Variants in ZNF274 observed in about 807,000 individuals in gnomAD.
ZNF274 encodes zinc finger protein 274, also known as neurotrophin receptor-interacting factor homolog.
Under a neutral mutation model 42.5 loss-of-function variants are expected in ZNF274, and 23 were observed. The observed-to-expected ratio is 0.54, with a 90% CI of 0.39 to 0.77. ZNF274 has a LOEUF of 0.77. Ranked by LOEUF, ZNF274 falls within the 30% of genes least tolerant of loss-of-function variation. ZNF274 has a pLI of 0.00. For synonymous variants in ZNF274, 292 were observed against 305.4 expected, an observed-to-expected ratio of 0.96 and a Z score of 0.46; for missense variants, 679 against 806.5, an observed-to-expected ratio of 0.84 and a Z score of 1.91.
rs552382406 is a variant in ZNF274 at position 58,201,556 on chromosome 19, G to A, written c.257-5164G>A. On this transcript the variant is annotated intron_variant, in intron 4 of 7. Transcript: ENST00000617501. ...TTCTGAGATGGAGTCTTGCACTGTC[G>A]CCCAGGCTGGAGTGCAGTGGTGTGA... 6.1e-5 allele frequency among the ~76,000 whole-genome samples: 9 copies of A among 148,594 alleles called. No individual in the cohort carries two copies. The South Asian group carries it at 8.6e-4, about 14-fold the overall frequency.
chr19:58,185,624 T>C (rs1168023600), intron 2 of ZNF274, 88 bp from the exon 3 acceptor site: 39 of 1,338,390 alleles, frequency 2.9e-5, no homozygotes, highest in Non-Finnish European at 3.6e-5. Flanking sequence ...GACCATTCTG[T>C]GCTTTCACTG....
Position 58,211,327 on chromosome 19 carries a change from T to C in ZNF274, c.853-233T>C. ...GGATGGAGTTGTTTGCTTGTTGCAC[T>C]TGGAGCTCTTTATGAAGCAAGGGCT... On this transcript the variant is annotated intron_variant, in intron 6 of 7. Coordinates refer to ENST00000617501, the MANE Select transcript of ZNF274 (RefSeq NM_133502.3). The surrounding 1 kb of genome is among the most constrained non-coding windows in gnomAD (Gnocchi z 4.8). The C allele has an allele frequency of 2.4e-6, 1 of 419,770 alleles. No homozygotes were observed. The highest frequency in any genetic ancestry group is 4.2e-6 in the Non-Finnish European group (1 of 237,700). The allele number at this position is 419,770 out of a possible 1,614,324, so 26.0% of individuals were successfully genotyped here. A position where few individuals can be genotyped will look rare whatever the true frequency, so the allele number is the denominator to read the frequency against.
At position 58,212,731 on chromosome 19, in the gene ZNF274, G is replaced by A. The variant is rs750850611; in HGVS notation, c.1550G>A (p.Arg517Gln). 6.7e-5 allele frequency: 108 copies of A among 1,613,848 alleles called. No homozygotes were observed. Among genetic ancestry groups the A allele is most frequent in the Non-Finnish European group, 8.4e-5 (99 of 1,179,896 alleles). The stretch of plus-strand genomic sequence containing the variant: ...TGCAGTGAATGTGGTAAAATATTCC[G>A]GAACCCAAGATACTTTTCTGTGCAT... ...CRCSECGKIFRNPRYFSVHKK... is the reference protein window; with the variant it reads ...CRCSECGKIFQNPRYFSVHKK... The change falls in exon 8 of 8, where the codon CGG becomes CAG. Residue 517 changes from arginine (R) to glutamine (Q), a missense_variant. Transcript: ENST00000617501. This position sits in a 1 kb window ranked among gnomAD's most constrained non-coding sequence, Gnocchi z 4.6.
In ZNF274 at chr19:58,212,792, T is replaced by G; in HGVS notation, c.1611T>G (p.Cys537Trp). ...ATACCGGAGAGAGGCCCTATGTGTGTCAAGACTGTGGGAAAGGATTTGTTC... is the reference window on the plus strand; with the variant it reads ...ATACCGGAGAGAGGCCCTATGTGTGGCAAGACTGTGGGAAAGGATTTGTTC... ...KIHTGERPYV[C>W]QDCGKGFVQS... The change falls in exon 8 of 8, where the codon TGT becomes TGG. Residue 537 changes from cysteine (C) to tryptophan (W), a missense_variant. Coordinates refer to ENST00000617501, the MANE Select transcript of ZNF274 (RefSeq NM_133502.3). This position sits in a 1 kb window ranked among gnomAD's most constrained non-coding sequence, Gnocchi z 4.6. 2 of 1,614,026 alleles carry G rather than the reference T, an allele frequency of 1.2e-6. No homozygotes were observed. Among genetic ancestry groups the G allele is most frequent in the Non-Finnish European group, 1.7e-6 (2 of 1,179,894 alleles).
rs753106094 is a variant in ZNF274, at chr19:58,209,950, T to A, written c.740-11T>A. On this transcript the variant is annotated splice_polypyrimidine_tract_variant and intron_variant, in intron 5 of 7. Transcript: ENST00000617501. Reference sequence around the variant, plus strand: ...ACCTGCTGACCTCCTCTGGCTGGTGTCTCCTCCCAGTACTTCCTGCAGGAC... The same window carrying A: ...ACCTGCTGACCTCCTCTGGCTGGTGACTCCTCCCAGTACTTCCTGCAGGAC... 6.2e-6 allele frequency: 10 copies of A among 1,606,376 alleles called. No individual in the cohort carries two copies. Among genetic ancestry groups the A allele is most frequent in the Non-Finnish European group, 8.5e-6 (10 of 1,176,194 alleles).
At chr19:58,202,342 G>A (rs2075923120) in intron 4 of ZNF274, 1 of 152,290 alleles carries the variant, frequency 6.6e-6, no homozygotes, top group Non-Finnish European at 1.5e-5. Flanking sequence ...AGTGTCAAGA[G>A]GGAGAAAGCA....
At chr19:58,203,587 A>G (rs1188399738) in intron 4 of ZNF274, among the ~76,000 whole-genome samples, 1 of 146,664 alleles carries the variant, frequency 6.8e-6, no homozygotes, top group East Asian at 2.1e-4. Context: ...CTCAAAAAAA[A>G]AAAAAAAAAG....
chr19:58,196,308 T>C (rs1201748823), intron 4 of ZNF274, among the ~76,000 whole-genome samples: 1 of 152,202 alleles, frequency 6.6e-6, no homozygotes. Context: ...TGCCTGTAAT[T>C]GCAGCACTTT....
chr19:58,186,012 A>G lies in ZNF274; in HGVS notation c.160+174A>G, dbSNP rs987388858. ...CCATCCCTCCCTGAATACCAGGGAGATGGGTCTGTCAGGGATGTTTTCAGC... is the reference window on the plus strand; with the variant it reads ...CCATCCCTCCCTGAATACCAGGGAGGTGGGTCTGTCAGGGATGTTTTCAGC... On this transcript the variant is annotated intron_variant, in intron 3 of 7. Transcript: ENST00000617501. 5.6e-5 allele frequency: 24 copies of G among 432,320 alleles called. No homozygotes were observed. In the South Asian group the frequency reaches 9.9e-4, roughly 18 times the overall value. 26.8% of individuals were successfully genotyped at this position (432,320 alleles called of 1,614,324 possible).
chr19:58,202,771 A>G (rs761409569), intron 4 of ZNF274, among the ~76,000 whole-genome samples: 35 of 152,214 alleles, frequency 2.3e-4, no homozygotes, highest in Non-Finnish European at 3.4e-4. Context: ...AGGTCTTGGG[A>G]TAGTCTATGG....
At chr19:58,205,998 C>T (rs1015160454) in intron 4 of ZNF274, among the ~76,000 whole-genome samples, 1 of 152,186 alleles carries the variant, frequency 6.6e-6, no homozygotes, top group East Asian at 1.9e-4. Context: ...AATATATTCA[C>T]AGGGTTGTAC....
intron 1 of ZNF274, 44 bp from the exon 2 acceptor site, chr19:58,183,877 A>G (rs1181337880): frequency 7.3e-7 from 1 of 1,363,148 alleles, no homozygotes; most frequent in African/African-American, 1.5e-5. Flanking sequence ...TCCCCAGCGG[A>G]CACCTTAAGC....
chr19:58,206,206 CATG>C (rs1426968845), intron 4 of ZNF274, among the ~76,000 whole-genome samples: 1 of 152,176 alleles, frequency 6.6e-6, no homozygotes, highest in African/African-American at 2.4e-5. Flanking sequence ...TTTTACTTAG[CATG>C]ATGTTTTCAA....
chr19:58,206,859 T>A lies in ZNF274; in HGVS notation c.396T>A (p.Tyr132Ter). 1 of 1,613,972 alleles carries A rather than the reference T, an allele frequency of 6.2e-7. No individual in the cohort carries two copies. The highest frequency in any genetic ancestry group is 1.1e-5 in the South Asian group (1 of 91,052). The part of the protein sequence containing the change: ...GPRNAQIQAL[Y>*]AEDGSLSADA... ...GGAATGCCCAGATCCAGGCCCTATA[T>A]GCTGAAGATGGAAGCCTGAGTGCAG... Residue 132 changes from tyrosine (Y) to a stop codon, truncating the protein, a stop_gained, in exon 5 of 8, where the codon TAT becomes TAA. Coordinates refer to ENST00000617501, the MANE Select transcript of ZNF274 (RefSeq NM_133502.3). LOFTEE classifies it high-confidence loss of function.
At chr19:58,188,694 G>GTATATGTATATGTATATATATATATATA (rs1221412961) in intron 4 of ZNF274, among the ~76,000 whole-genome samples, 8 of 74,654 alleles carry the variant, frequency 1.1e-4, no homozygotes, top group African/African-American at 4.3e-4. Flanking sequence ...ATATGTATAT[G>GTATATGTATATGTATATATATATATATA]TATATATATA....
At chr19:58,190,525 T>C (rs1485355149) in intron 4 of ZNF274, among the ~76,000 whole-genome samples, 1 of 152,220 alleles carries the variant, frequency 6.6e-6, no homozygotes, top group Non-Finnish European at 1.5e-5. Flanking sequence ...TCATGTTGTC[T>C]TTCCTGATGA....
chr19:58,211,579 A>AT lies in ZNF274; in HGVS notation c.873dup (p.Val292CysfsTer44). 6.2e-7 allele frequency: 1 copy of AT among 1,613,498 alleles called. No homozygotes were observed. Among genetic ancestry groups the AT allele is most frequent in the Non-Finnish European group, 8.5e-7 (1 of 1,179,596 alleles). On this transcript the variant is annotated frameshift_variant, in exon 7 of 8. Transcript: ENST00000617501. LOFTEE classifies it high-confidence loss of function. The surrounding 1 kb of genome is among the most constrained non-coding windows in gnomAD (Gnocchi z 4.8). ...TTACAGGAGCCAGTGACCTTCCAGG[A>AT]TGTGGCTGTGGACTTCAGCCGGGAG... is the stretch of plus-strand genomic sequence containing the variant.
At chr19:58,193,216 G>A (rs911593363) in intron 4 of ZNF274, among the ~76,000 whole-genome samples, 11 of 150,406 alleles carry the variant, frequency 7.3e-5, no homozygotes, top group African/African-American at 2.0e-4. Flanking sequence ...GCACAATCTC[G>A]GCTCACTGCA....
intron 4 of ZNF274, among the ~76,000 whole-genome samples, chr19:58,198,213 GT>G (rs2075866505): frequency 6.6e-6 from 1 of 152,216 alleles, no homozygotes; most frequent in Non-Finnish European, 1.5e-5. Flanking sequence ...ATGACTTTGA[GT>G]AAGTAAAGAA....
Sources: allele counts gnomAD v4.1 joint callset (sites outside exome capture counted in the v4.1 genomes callset), GRCh38; gene constraint gnomAD v4.1.1; non-coding constraint Gnocchi (gnomAD v3.1); transcripts MANE v1.5; gene names NCBI Gene and HGNC (gene_info 2026-07-23, HGNC 2026-07-21).